The following HFM1 variants were observed in gnomAD, a reference collection of about 807,000 sequenced individuals.
The protein encoded by HFM1 is helicase for meiosis 1.
A neutral mutation model predicts 192.1 loss-of-function variants in HFM1; 169 were observed. The ratio of observed to expected loss-of-function variants is 0.88; its 90% CI spans 0.78 to 1.00. HFM1 has a LOEUF of 1.00. Ranked by LOEUF, HFM1 falls within the 50% of genes least tolerant of loss-of-function variation. The pLI is 0.00. For missense variants in HFM1, 1,661 were observed against 1,668.0 expected, an observed-to-expected ratio of 1.00 and a Z score of 0.07; for synonymous variants, 525 against 537.8, an observed-to-expected ratio of 0.98 and a Z score of 0.33.
chr1:91,362,398 A>G (rs375394917), intron 13 of HFM1, among the ~76,000 whole-genome samples: 2 of 152,182 alleles, frequency 1.3e-5, no homozygotes, highest in African/African-American at 4.8e-5. Flanking sequence ...ATACACCAAC[A>G]ACAGGCAGTC....
intron 30 of HFM1, among the ~76,000 whole-genome samples, chr1:91,294,356 T>G (rs1437849355): frequency 6.6e-6 from 1 of 152,210 alleles, no homozygotes; most frequent in African/African-American, 2.4e-5. Flanking sequence ...TTTTTGCAAT[T>G]TATATACATG....
intron 18 of HFM1, 121 bp downstream of exon 18, chr1:91,350,617 G>T: frequency 2.4e-6 from 2 of 825,900 alleles, no homozygotes; most frequent in Non-Finnish European, 3.7e-6. Flanking sequence ...TGGGACTGTT[G>T]TTACCTTTTG....
intron 13 of HFM1, among the ~76,000 whole-genome samples, chr1:91,372,049 C>T (rs1445515888): frequency 1.3e-5 from 2 of 152,292 alleles, no homozygotes; most frequent in African/African-American, 4.8e-5. Flanking sequence ...TACCATCTCA[C>T]ACCAGTTAGA....
At chr1:91,291,853 C>G (rs1446640381) in intron 30 of HFM1, among the ~76,000 whole-genome samples, 1 of 152,124 alleles carries the variant, frequency 6.6e-6, no homozygotes, top group Non-Finnish European at 1.5e-5. Context: ...GCTTACCCAC[C>G]ATGATCAAGT....
At chr1:91,323,828 GAAT>G (rs1272564460) in intron 21 of HFM1, among the ~76,000 whole-genome samples, 1 of 151,996 alleles carries the variant, frequency 6.6e-6, no homozygotes, top group Non-Finnish European at 1.5e-5. Flanking sequence ...CCTTAGTTAA[GAAT>G]AATGTTTACA....
chr1:91,266,362 C>T (rs146170194), intron 35 of HFM1, among the ~76,000 whole-genome samples: 5 of 152,206 alleles, frequency 3.3e-5, no homozygotes, highest in South Asian at 2.1e-4. Context: ...TGGTAAAATA[C>T]GTATTTGGTC....
At chr1:91,398,022 T>G (rs1378456657) in intron 2 of HFM1, among the ~76,000 whole-genome samples, 1 of 152,240 alleles carries the variant, frequency 6.6e-6, no homozygotes, top group East Asian at 1.9e-4. Flanking sequence ...ACTATTTGTA[T>G]AAACAGTTTA....
chr1:91,329,912 A>G (rs768502518), intron 20 of HFM1, among the ~76,000 whole-genome samples: 6 of 152,308 alleles, frequency 3.9e-5, no homozygotes, highest in Non-Finnish European at 8.8e-5. Context: ...GTGATGGTGG[A>G]CCTAGACTGC....
rs1271666539 is a variant in HFM1, at chr1:91,352,582, T to C, written c.1901A>G (p.His634Arg). 1.2e-6 allele frequency: 2 copies of C among 1,609,742 alleles called. No individual in the cohort carries two copies. The highest frequency in any genetic ancestry group is 1.7e-5 in the Admixed American group (1 of 59,664). The change falls in exon 16 of 39, where the codon CAT becomes CGT. Residue 634 changes from histidine to arginine, a missense_variant. Coordinates refer to ENST00000370425, the MANE Select transcript of HFM1 (RefSeq NM_001017975.6). ...AHLVVIKSTM[H>R]YAGGLFEEYS... ...CTCTTCAAACAGTCCTCCAGCATAA[T>C]GCATTGTAGATTTTATAACTACTAG...
At chr1:91,403,019 AT>A (rs1664465964) in intron 1 of HFM1, among the ~76,000 whole-genome samples, 1 of 151,190 alleles carries the variant, frequency 6.6e-6, no homozygotes, top group Non-Finnish European at 1.5e-5. Context: ...CAGAATAAAA[AT>A]ATCATGTACA....
intron 30 of HFM1, among the ~76,000 whole-genome samples, chr1:91,304,005 C>A (rs1024608359): frequency 1.3e-5 from 2 of 152,048 alleles, no homozygotes; most frequent in Non-Finnish European, 2.9e-5. Flanking sequence ...CAGGCGTGCA[C>A]CAACACGCCT....
chr1:91,295,942 T>G (rs950895015), intron 30 of HFM1, among the ~76,000 whole-genome samples: 8 of 152,190 alleles, frequency 5.3e-5, no homozygotes, highest in Non-Finnish European at 1.5e-5. Flanking sequence ...TTTCTTTCTT[T>G]TTTTTTGAGA....
At chr1:91,327,775 G>C (rs1382036064) in intron 20 of HFM1, among the ~76,000 whole-genome samples, 1 of 152,098 alleles carries the variant, frequency 6.6e-6, no homozygotes. Flanking sequence ...ATAATATCAA[G>C]CATCTTCTGA....
chr1:91,367,973 G>T (rs904122411), intron 13 of HFM1, among the ~76,000 whole-genome samples: 1 of 152,198 alleles, frequency 6.6e-6, no homozygotes, highest in African/African-American at 2.4e-5. Context: ...CTCAGTAGCC[G>T]ATGTGATCAA....
intron 13 of HFM1, among the ~76,000 whole-genome samples, chr1:91,366,857 G>C (rs1338001746): frequency 6.6e-6 from 1 of 152,222 alleles, no homozygotes; most frequent in Admixed American, 6.5e-5. Flanking sequence ...CCCTTTCCTA[G>C]TCAAAGAAAG....
At chr1:91,385,019 A>G (rs1662018663) in intron 6 of HFM1, among the ~76,000 whole-genome samples, 168 bp downstream of exon 6, 1 of 152,148 alleles carries the variant, frequency 6.6e-6, no homozygotes, top group Admixed American at 6.5e-5. Flanking sequence ...CTGGAATTAC[A>G]GGTGTGAACC....
chr1:91,346,980 G>A (rs1188797730), intron 19 of HFM1, among the ~76,000 whole-genome samples: 1 of 152,058 alleles, frequency 6.6e-6, no homozygotes, highest in African/African-American at 2.4e-5. Flanking sequence ...AAATTAACCA[G>A]TTGTGGTGGC....
At chr1:91,357,105 T>G (rs1028768622) in intron 13 of HFM1, among the ~76,000 whole-genome samples, 7 of 152,180 alleles carry the variant, frequency 4.6e-5, no homozygotes, top group Non-Finnish European at 1.0e-4. Flanking sequence ...ACATATTTTG[T>G]GAGGCTACTA....
intron 19 of HFM1, among the ~76,000 whole-genome samples, chr1:91,346,318 T>G (rs1343641894): frequency 1.3e-5 from 2 of 152,200 alleles, no homozygotes; most frequent in African/African-American, 4.8e-5. Flanking sequence ...ATTTCTTGAG[T>G]GTATTTGATC....
Sources: gnomAD v4.1 joint callset for allele counts (sites outside exome capture counted in the v4.1 genomes callset) on GRCh38, gnomAD v4.1.1 for gene constraint, MANE v1.5 for transcripts, NCBI Gene and HGNC (gene_info 2026-07-23, HGNC 2026-07-21) for gene names.